CDH13: variants seen among roughly 807,000 people sequenced by gnomAD.
CDH13 encodes the protein cadherin-13.
CDH13 carries 24 observed loss-of-function variants against 63.8 expected under a neutral mutation model. That is an observed-to-expected ratio of 0.38 (90% CI 0.27 to 0.53). The LOEUF is 0.53. Ranked by LOEUF, CDH13 falls within the 20% of genes least tolerant of loss-of-function variation. CDH13 has a pLI of 0.85. For synonymous variants in CDH13, 503 were observed against 355.3 expected (o/e 1.42, Z -4.67); for missense variants, 1,049 against 903.1 (o/e 1.16, Z -2.07).
At chr16:83,740,446 T>C (rs1310247202) in intron 10 of CDH13, among the ~76,000 whole-genome samples, 1 of 152,072 alleles carries the variant, frequency 6.6e-6, no homozygotes, top group Middle Eastern at 3.2e-3. Context: ...CCAAAGAAAG[T>C]GGACCCACAC....
At chr16:82,679,049 A>G (rs1914252300) in intron 1 of CDH13, among the ~76,000 whole-genome samples, 1 of 152,198 alleles carries the variant, frequency 6.6e-6, no homozygotes, top group South Asian at 2.1e-4. Flanking sequence ...CAAGACAGCT[A>G]TAGAAAGTGC....
At chr16:83,191,468 T>TATATATATATATATATATATATGCAC (rs2038699974) in intron 4 of CDH13, among the ~76,000 whole-genome samples, 2 of 117,966 alleles carry the variant, frequency 1.7e-5, no homozygotes, top group Non-Finnish European at 3.6e-5. Context: ...AATATATATA[T>TATATATATATATATATATATATGCAC]ATATATATAT....
intron 8 of CDH13, among the ~76,000 whole-genome samples, chr16:83,606,837 C>T (rs947145283): frequency 1.2e-4 from 18 of 151,658 alleles, no homozygotes; most frequent in African/African-American, 4.4e-4. Flanking sequence ...CTCACGGCTG[C>T]CTTGTGGTAC....
chr16:82,857,876 G>A (rs1316930001), intron 1 of CDH13, among the ~76,000 whole-genome samples: 3 of 152,120 alleles, frequency 2.0e-5, no homozygotes, highest in Admixed American at 2.0e-4. Flanking sequence ...GTAGCCACCG[G>A]TGGTTCATGG....
At chr16:83,582,026 G>T (rs1210376230) in intron 7 of CDH13, among the ~76,000 whole-genome samples, 1 of 152,086 alleles carries the variant, frequency 6.6e-6, no homozygotes, top group Non-Finnish European at 1.5e-5. Context: ...GCCTGGTCCT[G>T]GGTGGGTGAA....
chr16:83,231,584 G>A (rs777917783), intron 5 of CDH13, among the ~76,000 whole-genome samples: 1 of 152,158 alleles, frequency 6.6e-6, no homozygotes, highest in Non-Finnish European at 1.5e-5. Context: ...GAAGTAGGGG[G>A]TCTGCAAACT....
At chr16:82,879,274 T>G (rs1428648603) in intron 2 of CDH13, among the ~76,000 whole-genome samples, 1 of 151,894 alleles carries the variant, frequency 6.6e-6, no homozygotes, top group East Asian at 1.9e-4. Context: ...TCTCTGCACT[T>G]TAGGTTTCTT....
intron 10 of CDH13, among the ~76,000 whole-genome samples, chr16:83,732,486 AC>A (rs1419879955): frequency 6.6e-6 from 1 of 152,154 alleles, no homozygotes; most frequent in Non-Finnish European, 1.5e-5. Context: ...AAGGGACATG[AC>A]GTACATTTTT....
chr16:83,485,879 A>C (rs1355317241), intron 6 of CDH13, among the ~76,000 whole-genome samples: 2 of 152,154 alleles, frequency 1.3e-5, no homozygotes, highest in East Asian at 1.9e-4. Context: ...GGCTAGATGG[A>C]ATCTTGTAAT....
chr16:82,786,822 A>G (rs1173146776), intron 1 of CDH13, among the ~76,000 whole-genome samples: 1 of 151,974 alleles, frequency 6.6e-6, no homozygotes, highest in Non-Finnish European at 1.5e-5. Flanking sequence ...TGTCCCTACA[A>G]AGGTCATGAA....
intron 1 of CDH13, among the ~76,000 whole-genome samples, chr16:82,732,082 C>G (rs1371804192): frequency 2.0e-5 from 3 of 152,148 alleles, no homozygotes; most frequent in African/African-American, 7.2e-5. Context: ...CCTTTATGCA[C>G]ATTTTTCCTT....
At chr16:82,655,240 G>T (rs2150914872) in intron 1 of CDH13, among the ~76,000 whole-genome samples, 1 of 152,320 alleles carries the variant, frequency 6.6e-6, no homozygotes, top group South Asian at 2.1e-4. Flanking sequence ...AAACAGTAAA[G>T]AAAATTCATT....
At chr16:83,365,908 G>A (rs1330653363) in intron 6 of CDH13, among the ~76,000 whole-genome samples, 1 of 152,110 alleles carries the variant, frequency 6.6e-6, no homozygotes, top group Non-Finnish European at 1.5e-5. Flanking sequence ...TCCCCCCAGG[G>A]ACTCCAATAA....
chr16:83,736,540 C>T (rs1365239276), intron 10 of CDH13, among the ~76,000 whole-genome samples: 1 of 152,092 alleles, frequency 6.6e-6, no homozygotes, highest in African/African-American at 2.4e-5. Context: ...TGTCAAATGT[C>T]CCTTTATATG....
At chr16:82,848,768 T>A (rs557551248) in intron 1 of CDH13, among the ~76,000 whole-genome samples, 1 of 152,316 alleles carries the variant, frequency 6.6e-6, no homozygotes, top group African/African-American at 2.4e-5. Context: ...TAAAGTACTT[T>A]CTTTGCCTCT....
intron 6 of CDH13, among the ~76,000 whole-genome samples, chr16:83,437,551 C>T (rs1195515799): frequency 6.6e-6 from 1 of 151,982 alleles, no homozygotes; most frequent in African/African-American, 2.4e-5. Context: ...GTGGGACATG[C>T]CTGTAGTCCC....
At chr16:82,788,344 C>T (rs1178156936) in intron 1 of CDH13, among the ~76,000 whole-genome samples, 2 of 152,186 alleles carry the variant, frequency 1.3e-5, no homozygotes, top group African/African-American at 2.4e-5. Flanking sequence ...AGCAGGTGCC[C>T]AGGAGATGGC....
chr16:83,275,993 C>T (rs878963416), intron 5 of CDH13, among the ~76,000 whole-genome samples: 1 of 152,070 alleles, frequency 6.6e-6, no homozygotes, highest in Admixed American at 6.6e-5. Context: ...GTCATTTAAA[C>T]AATTATAACA....
At chr16:82,778,481 TAGA>T (rs1416712860) in intron 1 of CDH13, among the ~76,000 whole-genome samples, 7 of 145,600 alleles carry the variant, frequency 4.8e-5, no homozygotes, top group African/African-American at 1.5e-4. Flanking sequence ...CTCCCTGGAA[TAGA>T]AGGTTTTAAA....
Sources: gnomAD v4.1 joint callset for allele counts (sites outside exome capture counted in the v4.1 genomes callset) on GRCh38, gnomAD v4.1.1 for gene constraint, MANE v1.5 for transcripts, NCBI Gene and HGNC (gene_info 2026-07-23, HGNC 2026-07-21) for gene names.